Variants in THEMIS observed in about 807,000 individuals in gnomAD.
THEMIS encodes the protein thymocyte selection associated.
THEMIS carries 37 observed loss-of-function variants against 52.6 expected under a neutral mutation model. The observed-to-expected ratio is 0.70, with a 90% CI of 0.54 to 0.93. The LOEUF (loss-of-function observed/expected upper bound fraction) is 0.93. THEMIS is among the 40% of genes least tolerant of loss of function. THEMIS has a pLI of 0.00. For missense variants in THEMIS, 808 were observed against 763.1 expected (o/e 1.06, Z -0.69); for synonymous variants, 292 against 272.7 (o/e 1.07, Z -0.70).
In THEMIS at chr6:127,819,118, T is replaced by TAAAAAAAAAAAAAAA. The variant is rs142123167; in HGVS notation, c.710-5202_710-5188dup. The stretch of plus-strand genomic sequence containing the variant: ...CTGGGTGAAAGAGTGAGACTCTGTC[T>TAAAAAAAAAAAAAAA]AAAAAAAAAAAAAAAAAAAAAAAAA... On this transcript the variant is annotated intron_variant, in intron 3 of 5. Transcript: ENST00000368248. Among the ~76,000 whole-genome samples, 14 of 19,472 alleles carry TAAAAAAAAAAAAAAA rather than the reference T, an allele frequency of 7.2e-4. 1 individual carries two copies. The highest frequency in any genetic ancestry group is 2.6e-3 in the African/African-American group (13 of 5,002). The allele number at this position is 19,472 out of a possible 152,430, so 12.8% of individuals were successfully genotyped here.
chr6:127,784,820 C>A (rs189283265), intron 4 of THEMIS, among the ~76,000 whole-genome samples: 1 of 152,058 alleles, frequency 6.6e-6, no homozygotes, highest in African/African-American at 2.4e-5. Context: ...CACATGGGTA[C>A]TTTTTAAAAA....
At chr6:127,855,580 T>TGTATA (rs1779592268) in intron 1 of THEMIS, among the ~76,000 whole-genome samples, 2 of 151,898 alleles carry the variant, frequency 1.3e-5, no homozygotes, top group Non-Finnish European at 2.9e-5. Flanking sequence ...AACAAGGTTG[T>TGTATA]CATACAATTG....
At chr6:127,770,050 C>T (rs1248261666) in intron 4 of THEMIS, among the ~76,000 whole-genome samples, 1 of 152,196 alleles carries the variant, frequency 6.6e-6, no homozygotes, top group Non-Finnish European at 1.5e-5. Context: ...GGTTCCAAGT[C>T]GTTGCTATTG....
intron 4 of THEMIS, among the ~76,000 whole-genome samples, chr6:127,729,633 T>A (rs1774687934): frequency 6.6e-6 from 1 of 152,186 alleles, no homozygotes; most frequent in Non-Finnish European, 1.5e-5. Flanking sequence ...TCCCATGACA[T>A]ACTTAATCAA....
intron 2 of THEMIS, among the ~76,000 whole-genome samples, chr6:127,848,000 G>C (rs1299864050): frequency 2.0e-5 from 3 of 151,106 alleles, no homozygotes; most frequent in Non-Finnish European, 4.4e-5. Context: ...CGTGTGCCAT[G>C]TTGGTGTGCT....
downstream of THEMIS, among the ~76,000 whole-genome samples, chr6:127,706,049 C>T (rs1182514097): frequency 2.0e-5 from 3 of 152,044 alleles, no homozygotes; most frequent in Admixed American, 2.0e-4. Flanking sequence ...CCCCCTTAAC[C>T]TGTGCTTCTA....
At chr6:127,908,831 T>C (rs989291150) in intron 1 of THEMIS, among the ~76,000 whole-genome samples, 2 of 152,022 alleles carry the variant, frequency 1.3e-5, no homozygotes, top group African/African-American at 4.8e-5. Context: ...ATTTGTTATC[T>C]CTTATAACTG....
chr6:127,889,495 T>C (rs1452471163), intron 1 of THEMIS, among the ~76,000 whole-genome samples: 1 of 152,144 alleles, frequency 6.6e-6, no homozygotes, highest in Non-Finnish European at 1.5e-5. Context: ...TGTTAGCTCC[T>C]TGCAGGGATC....
At chr6:127,783,826 G>A (rs1388194632) in intron 4 of THEMIS, among the ~76,000 whole-genome samples, 1 of 152,190 alleles carries the variant, frequency 6.6e-6, no homozygotes, top group African/African-American at 2.4e-5. Flanking sequence ...AAGACAGTGT[G>A]GCGATTCCTC....
intron 2 of THEMIS, among the ~76,000 whole-genome samples, chr6:127,840,274 T>C (rs780724088): frequency 1.4e-4 from 21 of 152,110 alleles, no homozygotes; most frequent in Non-Finnish European, 2.6e-4. Flanking sequence ...TAAATGGCCA[T>C]GTTCAGGATG....
intron 3 of THEMIS, among the ~76,000 whole-genome samples, chr6:127,814,134 A>T (rs1425073430): frequency 6.6e-6 from 1 of 152,174 alleles, no homozygotes; most frequent in Non-Finnish European, 1.5e-5. Flanking sequence ...GCATAAGCCC[A>T]TACTCAGTTT....
chr6:127,708,108 T>C (rs111970789), downstream of THEMIS: 3 of 152,086 alleles, frequency 2.0e-5, no homozygotes, highest in African/African-American at 7.2e-5. Context: ...TAGTGAACAA[T>C]TTATTTCAAT....
chr6:127,748,023 T>C (rs1353405994), intron 4 of THEMIS, among the ~76,000 whole-genome samples: 1 of 152,176 alleles, frequency 6.6e-6, no homozygotes, highest in Non-Finnish European at 1.5e-5. Context: ...TTACATGTTA[T>C]GAAGATAGCA....
intron 4 of THEMIS, among the ~76,000 whole-genome samples, chr6:127,755,966 G>T (rs1226843577): frequency 6.6e-6 from 1 of 151,984 alleles, no homozygotes; most frequent in Admixed American, 6.6e-5. Flanking sequence ...GGCAGAAATT[G>T]CAGTCAGCTG....
At chr6:127,853,049 T>G (rs1312735491) in intron 2 of THEMIS, among the ~76,000 whole-genome samples, 3 of 151,604 alleles carry the variant, frequency 2.0e-5, no homozygotes, top group African/African-American at 7.3e-5. Context: ...TACCAAAGAT[T>G]CTAGTCATTT....
intron 5 of THEMIS, among the ~76,000 whole-genome samples, chr6:127,712,168 A>C (rs904855641): frequency 3.3e-5 from 5 of 151,960 alleles, no homozygotes; most frequent in Non-Finnish European, 5.9e-5. Flanking sequence ...AAGCTGATTT[A>C]AGATAGTACA....
chr6:127,762,185 T>C (rs544296677), intron 4 of THEMIS, among the ~76,000 whole-genome samples: 28 of 152,236 alleles, frequency 1.8e-4, no homozygotes, highest in African/African-American at 6.7e-4. Flanking sequence ...GATTCTATTA[T>C]ATGATGTATC....
At chr6:127,775,729 C>T (rs1379526568) in intron 4 of THEMIS, among the ~76,000 whole-genome samples, 1 of 151,624 alleles carries the variant, frequency 6.6e-6, no homozygotes, top group African/African-American at 2.4e-5. Context: ...TGAAATGATA[C>T]AGTATTTACT....
At chr6:127,884,127 C>A (rs1780573381) in intron 1 of THEMIS, among the ~76,000 whole-genome samples, 1 of 152,092 alleles carries the variant, frequency 6.6e-6, no homozygotes, top group Non-Finnish European at 1.5e-5. Context: ...ACAAACTACC[C>A]TACACTCTGC....
Sources: allele counts gnomAD v4.1 joint callset (sites outside exome capture counted in the v4.1 genomes callset), GRCh38; gene constraint gnomAD v4.1.1; transcripts MANE v1.5; gene names NCBI Gene and HGNC (gene_info 2026-07-23, HGNC 2026-07-21).